The following ZNF846 variants were observed in gnomAD, a reference collection of about 807,000 sequenced individuals.
The protein encoded by ZNF846 is zinc finger protein 420 pseudogene.
Under a neutral mutation model 16.0 loss-of-function variants are expected in ZNF846, and 15 were observed. The observed-to-expected ratio is 0.94, with a 90% CI of 0.63 to 1.45. The LOEUF is 1.45. Ranked by LOEUF, ZNF846 falls within the 40% of genes most tolerant of loss-of-function variation. ZNF846 has a pLI of 0.00. For synonymous variants in ZNF846, 229 were observed against 212.0 expected, an observed-to-expected ratio of 1.08 and a Z score of -0.70; for missense variants, 714 against 622.3, an observed-to-expected ratio of 1.15 and a Z score of -1.57.
At chr19:9,782,480 C>T (rs996360100) in intron 1 of ZNF846, among the ~76,000 whole-genome samples, 1 of 152,120 alleles carries the variant, frequency 6.6e-6, no homozygotes, top group African/African-American at 2.4e-5. Flanking sequence ...CCAGGCTTGT[C>T]TCCAACTCCT....
chr19:9,782,243 T>C (rs563026765), intron 1 of ZNF846, among the ~76,000 whole-genome samples: 1 of 152,154 alleles, frequency 6.6e-6, no homozygotes, highest in Admixed American at 6.6e-5. Flanking sequence ...GAAAAAAATG[T>C]GTCGTGTTAG....
chr19:9,758,416 T>C (rs1476084404), exon 6 of ZNF846: 1 of 1,613,020 alleles, frequency 6.2e-7, no homozygotes. Context: ...TTGTCTCCAT[T>C]GTGAGATCTT....
intron 1 of ZNF846, chr19:9,774,855 C>G: frequency 1.9e-6 from 3 of 1,609,716 alleles, no homozygotes; most frequent in Non-Finnish European, 2.5e-6. Context: ...CCCGAGCACC[C>G]GCTTCGGGCT....
Position 9,763,253 on chromosome 19 carries a change from G to A in ZNF846, c.142+29C>T, listed in dbSNP as rs1266991613. ...TTAAGAAACATTGATTTCCTAAAGG[G>A]GTCAGTGAAGAAATGATGCCAGTTT... On this transcript the variant is annotated intron_variant, in intron 3 of 5. Transcript: ENST00000397902. 5.9e-6 allele frequency: 9 copies of A among 1,529,864 alleles called. No individual in the cohort carries two copies. In the Admixed American group the frequency reaches 8.0e-5, roughly 14 times the overall value. 94.8% of individuals were successfully genotyped at this position (1,529,864 alleles called of 1,614,324 possible). A position where few individuals can be genotyped will look rare whatever the true frequency, so the allele number is the denominator to read the frequency against.
intron 1 of ZNF846, among the ~76,000 whole-genome samples, chr19:9,765,617 G>A (rs1319150041): frequency 6.6e-6 from 1 of 152,152 alleles, no homozygotes; most frequent in East Asian, 1.9e-4. Flanking sequence ...AGTTTGCAGT[G>A]AGCCGAGATT....
intron 3 of ZNF846, among the ~76,000 whole-genome samples, chr19:9,763,076 G>T (rs1223034151): frequency 6.6e-6 from 1 of 151,954 alleles, no homozygotes; most frequent in Non-Finnish European, 1.5e-5. Flanking sequence ...TCCAGGAGGG[G>T]GGGCTTTGCA....
chr19:9,749,926 T>C (rs116234796), downstream of ZNF846, among the ~76,000 whole-genome samples: 75 of 152,192 alleles, frequency 4.9e-4, no homozygotes, highest in African/African-American at 1.7e-3. Context: ...ACGGCACCTT[T>C]CTCTTTATGT....
chr19:9,766,698 A>T (rs2045320710), intron 1 of ZNF846, among the ~76,000 whole-genome samples: 1 of 151,958 alleles, frequency 6.6e-6, no homozygotes, highest in Non-Finnish European at 1.5e-5. Context: ...CAACATGGTG[A>T]AACCCATCCT....
At chr19:9,758,184 G>A in exon 6 of ZNF846, 4 of 1,612,858 alleles carry the variant, frequency 2.5e-6, no homozygotes, top group Non-Finnish European at 2.5e-6. Flanking sequence ...TGTATGATCA[G>A]TAAGGTATGA....
In ZNF846 at chr19:9,784,620, G is replaced by A. The variant is rs151092129; in HGVS notation, c.-86+1318C>T. Among the ~76,000 whole-genome samples, 33 of 152,126 alleles carry A rather than the reference G, an allele frequency of 2.2e-4. No individual in the cohort carries two copies. In the East Asian group the frequency reaches 6.4e-3, roughly 29 times the overall value. Reference sequence around the variant, plus strand: ...ATCCTCCTCAGCACAGACCCTTTACGGGTGTCAGGCTGGGGGACAGTAAGG... The same window carrying A: ...ATCCTCCTCAGCACAGACCCTTTACAGGTGTCAGGCTGGGGGACAGTAAGG... On this transcript the variant is annotated intron_variant, in intron 1 of 4. Coordinates refer to the ZNF846 transcript ENST00000586814.
intron 4 of ZNF846, among the ~76,000 whole-genome samples, chr19:9,760,680 G>A (rs982687825): frequency 6.6e-6 from 1 of 151,228 alleles, no homozygotes; most frequent in Non-Finnish European, 1.5e-5. Flanking sequence ...CAGCCTGGGT[G>A]ACAGAGTGAG....
rs761204795 is a variant in ZNF846, at chr19:9,762,078, T to C, written c.229+4A>G. 14 of 1,613,268 alleles carry C rather than the reference T, an allele frequency of 8.7e-6. No individual in the cohort carries two copies. The highest frequency in any genetic ancestry group is 1.0e-5 in the Non-Finnish European group (12 of 1,179,286). On this transcript the variant is annotated splice_donor_region_variant and intron_variant, in intron 4 of 5. Transcript: ENST00000397902. ...CATAATACCACATCTGCTTATGAACTCACCCTGCAGAACTCCTGTCACTCC... is the reference window on the plus strand; with the variant it reads ...CATAATACCACATCTGCTTATGAACCCACCCTGCAGAACTCCTGTCACTCC...
chr19:9,750,029 G>A (rs1455778607), downstream of ZNF846, among the ~76,000 whole-genome samples: 1 of 151,696 alleles, frequency 6.6e-6, no homozygotes, highest in Non-Finnish European at 1.5e-5. Context: ...ACAGCCTACT[G>A]GAATCCCTTT....
chr19:9,749,739 C>T (rs1291612119), downstream of ZNF846, among the ~76,000 whole-genome samples: 1 of 151,938 alleles, frequency 6.6e-6, no homozygotes, highest in African/African-American at 2.4e-5. Flanking sequence ...CTTATGCAGC[C>T]GTCCCCGCTC....
intron 1 of ZNF846, among the ~76,000 whole-genome samples, chr19:9,782,925 C>CTT (rs59602183): frequency 0.012 from 1,724 of 147,366 alleles, 25 homozygotes; most frequent in African/African-American, 0.039. Flanking sequence ...CTCCCTGTAA[C>CTT]TTTTTTTTTT....
chr19:9,780,392 G>A (rs1047084037), intron 1 of ZNF846, among the ~76,000 whole-genome samples: 4 of 151,874 alleles, frequency 2.6e-5, no homozygotes, highest in Admixed American at 2.6e-4. Flanking sequence ...TCTCTGAAAT[G>A]TTTTAAGACT....
chr19:9,774,423 G>A (rs1485856171), intron 1 of ZNF846: 1 of 629,260 alleles, frequency 1.6e-6, no homozygotes. Context: ...AACTGAGATT[G>A]CGCCACTGCA....
At chr19:9,782,876 G>C (rs2045515535) in intron 1 of ZNF846, among the ~76,000 whole-genome samples, 1 of 151,808 alleles carries the variant, frequency 6.6e-6, no homozygotes, top group African/African-American at 2.4e-5. Context: ...GCTCTTTCTA[G>C]ATCTTCTACC....
intron 1 of ZNF846, among the ~76,000 whole-genome samples, chr19:9,767,074 G>A (rs1454633170): frequency 4.6e-5 from 7 of 151,448 alleles, no homozygotes; most frequent in African/African-American, 1.7e-4. Flanking sequence ...GGCTCCTCCT[G>A]CTTCTGCTTC....
Sources: allele counts gnomAD v4.1 joint callset (sites outside exome capture counted in the v4.1 genomes callset), GRCh38; gene constraint gnomAD v4.1.1; transcripts MANE v1.5; gene names NCBI Gene and HGNC (gene_info 2026-07-23, HGNC 2026-07-21).